TMEM232: variants seen among roughly 807,000 people sequenced by gnomAD.
The protein encoded by TMEM232 is transmembrane protein 232.
TMEM232 carries 80 observed loss-of-function variants against 78.8 expected under a neutral mutation model. The ratio of observed to expected loss-of-function variants is 1.01; its 90% CI spans 0.85 to 1.22. The LOEUF is 1.22. Ranked by LOEUF, TMEM232 falls within the 50% of genes most tolerant of loss-of-function variation. The probability of loss-of-function intolerance (pLI) is 0.00; values close to 1 mark genes in which losing one functional copy is unlikely to be tolerated. For missense variants in TMEM232, 881 were observed against 742.2 expected (o/e 1.19, Z -2.17); for synonymous variants, 297 against 254.3 (o/e 1.17, Z -1.60).
intron 5 of TMEM232, among the ~76,000 whole-genome samples, chr5:110,628,662 AGTGTGT>A (rs146531604): frequency 0.082 from 11,598 of 140,766 alleles, 451 homozygotes; most frequent in Non-Finnish European, 0.098. Flanking sequence ...GTCAGTATCC[AGTGTGT>A]GTGTGTGTGT....
intron 12 of TMEM232, among the ~76,000 whole-genome samples, chr5:110,466,824 C>T (rs1762128312): frequency 1.3e-5 from 2 of 151,700 alleles, no homozygotes; most frequent in African/African-American, 4.8e-5. Context: ...GCTGTATTAG[C>T]CAGGATGGTC....
intron 2 of TMEM232, among the ~76,000 whole-genome samples, chr5:110,655,594 G>T (rs562934367): frequency 0.014 from 2,096 of 147,486 alleles, 52 homozygotes; most frequent in African/African-American, 0.05. Flanking sequence ...CTGTTATAAA[G>T]ACACATGCAC....
At position 110,420,062 on chromosome 5, in the gene TMEM232, A is replaced by G. The variant is rs1756485530; in HGVS notation, c.*518T>C. ...GCCCTCCCAGATTCAAATCTCTGAA[A>G]TAGGGTTTGTTTGGTTTGGTATAAA... On this transcript the variant is annotated 3_prime_UTR_variant, in exon 14 of 14. Coordinates refer to ENST00000455884, the MANE Select transcript of TMEM232 (RefSeq NM_001039763.4). 1 of 152,280 alleles carries G rather than the reference A, an allele frequency of 6.6e-6. No individual in the cohort carries two copies. Among genetic ancestry groups the G allele is most frequent in the African/African-American group, 2.4e-5 (1 of 41,462 alleles). 9.4% of individuals were successfully genotyped at this position (152,280 alleles called of 1,614,324 possible).
intron 12 of TMEM232, among the ~76,000 whole-genome samples, chr5:110,458,805 G>A (rs1472240562): frequency 6.6e-6 from 1 of 152,150 alleles, no homozygotes; most frequent in East Asian, 1.9e-4. Flanking sequence ...ATGCTCAGGG[G>A]ATGAAATAAT....
intron 8 of TMEM232, among the ~76,000 whole-genome samples, chr5:110,607,570 C>T (rs1781673359): frequency 6.6e-6 from 1 of 151,798 alleles, no homozygotes; most frequent in South Asian, 2.1e-4. Context: ...ATACATTTGC[C>T]CAAGGTCATA....
chr5:110,701,329 C>T (rs1454499071), intron 1 of TMEM232, among the ~76,000 whole-genome samples: 3 of 151,906 alleles, frequency 2.0e-5, no homozygotes, highest in African/African-American at 7.2e-5. Flanking sequence ...AAATAAGCCA[C>T]TTTTGAATAT....
At chr5:110,523,396 C>T (rs1271903959) in intron 12 of TMEM232, among the ~76,000 whole-genome samples, 1 of 151,984 alleles carries the variant, frequency 6.6e-6, no homozygotes, top group Non-Finnish European at 1.5e-5. Flanking sequence ...CTGCTCTAAT[C>T]TTGTTATTTC....
intron 1 of TMEM232, among the ~76,000 whole-genome samples, chr5:110,735,696 G>T (rs1799087548): frequency 6.6e-6 from 1 of 152,120 alleles, no homozygotes; most frequent in African/African-American, 2.4e-5. Context: ...GTGTAATTAG[G>T]TCATAAACGA....
At chr5:110,689,486 A>T (rs1404814965) in intron 1 of TMEM232, among the ~76,000 whole-genome samples, 1 of 152,176 alleles carries the variant, frequency 6.6e-6, no homozygotes, top group Non-Finnish European at 1.5e-5. Context: ...AAGCATTTAA[A>T]GTGTTTACAG....
chr5:110,553,502 G>A (rs1774709120), intron 11 of TMEM232, among the ~76,000 whole-genome samples: 1 of 151,886 alleles, frequency 6.6e-6, no homozygotes, highest in Admixed American at 6.6e-5. Context: ...GAATGGTATT[G>A]CATCCTCATT....
chr5:110,631,018 GAGAGTAC>G (rs763204023), intron 5 of TMEM232, among the ~76,000 whole-genome samples: 2 of 152,044 alleles, frequency 1.3e-5, no homozygotes, highest in Non-Finnish European at 2.9e-5. Context: ...TGTACCATGT[GAGAGTAC>G]AGCCATCATG....
At chr5:110,496,140 C>T (rs965252779) in intron 12 of TMEM232, among the ~76,000 whole-genome samples, 1 of 151,762 alleles carries the variant, frequency 6.6e-6, no homozygotes, top group Non-Finnish European at 1.5e-5. Context: ...ATGAATTTTA[C>T]AATTATTGTG....
chr5:110,603,502 A>G (rs1336297281), intron 10 of TMEM232, among the ~76,000 whole-genome samples: 1 of 152,068 alleles, frequency 6.6e-6, no homozygotes, highest in Non-Finnish European at 1.5e-5. Flanking sequence ...AAGTGAGGAA[A>G]AACTAACCTA....
chr5:110,676,068 A>G (rs1048587831), intron 1 of TMEM232, among the ~76,000 whole-genome samples: 6 of 152,210 alleles, frequency 3.9e-5, no homozygotes, highest in Admixed American at 2.6e-4. Flanking sequence ...GTGTCCTCCA[A>G]GTTCATCCAT....
In TMEM232 at chr5:110,537,037, C is replaced by A. The variant is rs902995114; in HGVS notation, c.1456-8202G>T. Among the ~76,000 whole-genome samples the A allele has an allele frequency of 4.6e-5, 7 of 152,098 alleles. No individual in the cohort carries two copies. In the East Asian group the frequency reaches 7.7e-4, roughly 17 times the overall value. ...GACAGGGCTCAAAAGGTGAATGCCC[C>A]TGGGGACTCCAGTCAGGACCTAGAA... On this transcript the variant is annotated intron_variant, in intron 11 of 13. Transcript: ENST00000455884.
intron 10 of TMEM232, among the ~76,000 whole-genome samples, chr5:110,573,678 G>A (rs1372031537): frequency 6.6e-6 from 1 of 152,064 alleles, no homozygotes; most frequent in Non-Finnish European, 1.5e-5. Flanking sequence ...ACAATGACTA[G>A]AAGAAGAAAA....
intron 11 of TMEM232, among the ~76,000 whole-genome samples, chr5:110,559,205 A>C (rs961451721): frequency 2.0e-5 from 3 of 152,194 alleles, no homozygotes; most frequent in Non-Finnish European, 4.4e-5. Flanking sequence ...TTTCAGATGA[A>C]TTGTAAACCT....
At chr5:110,712,050 A>G (rs1433467773) in intron 1 of TMEM232, among the ~76,000 whole-genome samples, 2 of 148,638 alleles carry the variant, frequency 1.3e-5, no homozygotes, top group Non-Finnish European at 3.0e-5. Context: ...TGCAGTGAGC[A>G]GAGATCGTGA....
At chr5:110,521,230 T>C (rs1769455438) in intron 12 of TMEM232, among the ~76,000 whole-genome samples, 1 of 152,202 alleles carries the variant, frequency 6.6e-6, no homozygotes, top group Non-Finnish European at 1.5e-5. Flanking sequence ...CATTGAACAT[T>C]GTCATATACA....
Sources: gnomAD v4.1 joint callset for allele counts (sites outside exome capture counted in the v4.1 genomes callset) on GRCh38, gnomAD v4.1.1 for gene constraint, MANE v1.5 for transcripts, NCBI Gene and HGNC (gene_info 2026-07-23, HGNC 2026-07-21) for gene names.